IL1RAPL2: variants seen among roughly 807,000 people sequenced by gnomAD.
IL1RAPL2 encodes X-linked interleukin-1 receptor accessory protein-like 2.
Under a neutral mutation model 44.1 loss-of-function variants are expected in IL1RAPL2, and 3 were observed. That is an observed-to-expected ratio of 0.07 (90% confidence interval 0.03 to 0.18). The LOEUF is 0.18. IL1RAPL2 is among the 10% of genes least tolerant of loss of function. IL1RAPL2 has a pLI of 1.00. For synonymous variants in IL1RAPL2, 181 were observed against 178.8 expected (o/e 1.01, Z -0.10); for missense variants, 391 against 496.4 (o/e 0.79, Z 2.02).
At chrX:105,535,038 C>T (rs984450466) in intron 6 of IL1RAPL2, among the ~76,000 whole-genome samples, 2 of 111,810 alleles carry the variant, frequency 1.8e-5, no homozygotes, top group East Asian at 5.6e-4. Flanking sequence ...CATCAAAATT[C>T]ATGTTTGCTC....
chrX:105,538,975 G>C (rs1337718153), intron 6 of IL1RAPL2, among the ~76,000 whole-genome samples: 1 of 110,540 alleles, frequency 9.0e-6, no homozygotes, highest in Non-Finnish European at 1.9e-5. Flanking sequence ...TAGGAATACA[G>C]ATAACCAAGG....
intron 2 of IL1RAPL2, among the ~76,000 whole-genome samples, chrX:104,983,582 A>T (rs763113106): frequency 3.1e-4 from 22 of 71,389 alleles, no homozygotes; most frequent in South Asian, 2.3e-3. Context: ...TATAGACATA[A>T]TATATAATAT....
intron 2 of IL1RAPL2, among the ~76,000 whole-genome samples, chrX:105,012,674 C>CACACACAG (rs1258556672): frequency 6.2e-5 from 5 of 81,282 alleles, no homozygotes; most frequent in Admixed American, 4.0e-4. Context: ...CACACACACA[C>CACACACAG]AGAGAGAGAG....
Position 105,015,864 on chromosome X carries a change from C to A in IL1RAPL2, c.83-179611C>A, listed in dbSNP as rs2031164025. ...ATTCTGTGAAGAAAGTCAGTGTTAG[C>A]TTGATGGGGATAGCATTGAATCTAT... On this transcript the variant is annotated intron_variant, in intron 2 of 10. Coordinates refer to ENST00000372582, the MANE Select transcript of IL1RAPL2 (RefSeq NM_017416.2). 3.6e-5 allele frequency among the ~76,000 whole-genome samples: 4 copies of A among 111,403 alleles called. No individual in the cohort carries two copies. In the South Asian group the frequency reaches 1.5e-3, roughly 42 times the overall value.
At chrX:105,749,997 A>T (rs984028217) in intron 9 of IL1RAPL2, among the ~76,000 whole-genome samples, 3 of 111,555 alleles carry the variant, frequency 2.7e-5, no homozygotes, top group African/African-American at 9.8e-5. Flanking sequence ...CTGAGTTTTC[A>T]TTGTACCAAA....
intron 5 of IL1RAPL2, among the ~76,000 whole-genome samples, chrX:105,340,981 G>T (rs1355240693): frequency 9.1e-6 from 1 of 109,717 alleles, no homozygotes; most frequent in East Asian, 2.8e-4. Flanking sequence ...ATTGTTGAAT[G>T]AATACATGAA....
At chrX:104,800,992 A>G (rs1271044432) in intron 2 of IL1RAPL2, among the ~76,000 whole-genome samples, 1 of 112,879 alleles carries the variant, frequency 8.9e-6, no homozygotes, top group Non-Finnish European at 1.9e-5. Context: ...ATCTGTTCCT[A>G]GGTGACTAAG....
intron 6 of IL1RAPL2, among the ~76,000 whole-genome samples, chrX:105,513,388 G>A (rs2036486322): frequency 9.0e-6 from 1 of 111,682 alleles, no homozygotes; most frequent in African/African-American, 3.3e-5. Flanking sequence ...CCCACCAACA[G>A]CATAAAAGCG....
intron 2 of IL1RAPL2, among the ~76,000 whole-genome samples, chrX:105,076,942 C>T (rs190115175): frequency 1.8e-5 from 2 of 110,646 alleles, no homozygotes; most frequent in Admixed American, 9.7e-5. Flanking sequence ...TGTGTCTCTG[C>T]GTGTGAGATG....
At chrX:105,158,212 C>G (rs929535891) in intron 2 of IL1RAPL2, among the ~76,000 whole-genome samples, 13 of 5,910 alleles carry the variant, frequency 2.2e-3, no homozygotes, top group South Asian at 0.02. Flanking sequence ...AAAAAAATTA[C>G]CTGGGTGTGG....
At chrX:105,751,815 G>T (rs1014127760) in intron 9 of IL1RAPL2, among the ~76,000 whole-genome samples, 1 of 111,877 alleles carries the variant, frequency 8.9e-6, no homozygotes, top group Non-Finnish European at 1.9e-5. Flanking sequence ...CTGCCTTTTG[G>T]AAATCTACAG....
At chrX:104,695,717 C>A (rs1931169928) in intron 2 of IL1RAPL2, among the ~76,000 whole-genome samples, 1 of 111,351 alleles carries the variant, frequency 9.0e-6, no homozygotes, top group Non-Finnish European at 1.9e-5. Context: ...TTAGGGATTA[C>A]TGTGTTTCAG....
At chrX:104,838,586 T>G (rs761546629) in intron 2 of IL1RAPL2, among the ~76,000 whole-genome samples, 3 of 111,385 alleles carry the variant, frequency 2.7e-5, no homozygotes, top group Non-Finnish European at 5.6e-5. Flanking sequence ...ATCCTGAGAC[T>G]TTGCTGAAGT....
At chrX:105,120,024 G>A (rs187092773) in intron 2 of IL1RAPL2, among the ~76,000 whole-genome samples, 30 of 109,556 alleles carry the variant, frequency 2.7e-4, no homozygotes, top group Admixed American at 2.5e-3. Flanking sequence ...GCACAAAGAA[G>A]TGACTTATCC....
intron 5 of IL1RAPL2, among the ~76,000 whole-genome samples, chrX:105,422,010 C>T (rs2035776915): frequency 8.9e-6 from 1 of 112,160 alleles, no homozygotes; most frequent in Non-Finnish European, 1.9e-5. Context: ...GTTTTTTAAA[C>T]ATATTTTTTC....
chrX:104,704,615 A>T (rs894640092), intron 2 of IL1RAPL2, among the ~76,000 whole-genome samples: 52 of 111,585 alleles, frequency 4.7e-4, no homozygotes, highest in African/African-American at 1.7e-3. Flanking sequence ...CGTAGTCTCT[A>T]TGAAAAATTC....
intron 5 of IL1RAPL2, among the ~76,000 whole-genome samples, chrX:105,285,640 T>G (rs1393996568): frequency 8.9e-6 from 1 of 111,997 alleles, no homozygotes; most frequent in Non-Finnish European, 1.9e-5. Flanking sequence ...AGTAACTAAG[T>G]TGATACTTTC....
intron 4 of IL1RAPL2, among the ~76,000 whole-genome samples, chrX:105,260,916 C>T (rs185142671): frequency 8.9e-6 from 1 of 112,368 alleles, no homozygotes; most frequent in Admixed American, 9.4e-5. Context: ...GGACATGGGG[C>T]CTGAAGGCTA....
At chrX:104,826,801 G>A (rs759174173) in intron 2 of IL1RAPL2, among the ~76,000 whole-genome samples, 3 of 110,569 alleles carry the variant, frequency 2.7e-5, no homozygotes, top group Non-Finnish European at 5.7e-5. Flanking sequence ...CTCCTGTACT[G>A]GGTGCATATA....
Sources: allele counts gnomAD v4.1 joint callset (sites outside exome capture counted in the v4.1 genomes callset), GRCh38; gene constraint gnomAD v4.1.1; transcripts MANE v1.5; gene names NCBI Gene and HGNC (gene_info 2026-07-23, HGNC 2026-07-21).